Variants in C1orf94 observed in about 807,000 individuals in gnomAD.
C1orf94 encodes the protein uncharacterized protein C1orf94.
C1orf94 carries 45 observed loss-of-function variants against 53.6 expected under a neutral mutation model. The observed-to-expected ratio is 0.84, with a 90% CI of 0.66 to 1.08. The LOEUF is 1.08. Among genes scored for constraint, C1orf94 ranks in the 50% least tolerant of loss-of-function variants. The pLI, the probability that C1orf94 is intolerant of heterozygous loss-of-function variation, is 0.00. For missense variants in C1orf94, 762 were observed against 738.9 expected (o/e 1.03, Z -0.36); for synonymous variants, 304 against 296.1 (o/e 1.03, Z -0.27).
At chr1:34,212,797 C>A (rs1325857465) in intron 6 of C1orf94, among the ~76,000 whole-genome samples, 2 of 152,118 alleles carry the variant, frequency 1.3e-5, no homozygotes, top group African/African-American at 4.8e-5. Flanking sequence ...CTGTCCGCAC[C>A]CTGATCTCCT....
chr1:34,218,620 A>G lies in C1orf94; in HGVS notation c.1722-66A>G, dbSNP rs964432878. The G allele has an allele frequency of 5.4e-5, 70 of 1,285,256 alleles. 1 individual carries two copies. The Admixed American group carries it at 1.3e-3, about 24-fold the overall frequency. 79.6% of individuals were successfully genotyped at this position (1,285,256 alleles called of 1,614,324 possible). A position where few individuals can be genotyped will look rare whatever the true frequency, so the allele number is the denominator to read the frequency against. ...TGACAACCATAAAATTAATATATAT[A>G]TTTTTCTAATTCTCTCCGATAACAT... On this transcript the variant is annotated intron_variant, in intron 6 of 6. Coordinates refer to ENST00000488417, the MANE Select transcript of C1orf94 (RefSeq NM_001134734.2).
chr1:34,172,601 G>C (rs577745467), upstream of C1orf94, among the ~76,000 whole-genome samples: 2 of 152,168 alleles, frequency 1.3e-5, no homozygotes, highest in African/African-American at 2.4e-5. Context: ...GCTCTTAACT[G>C]CCTCCTCTCA....
At chr1:34,182,357 CG>C (rs941864444) in intron 1 of C1orf94, among the ~76,000 whole-genome samples, 3 of 152,060 alleles carry the variant, frequency 2.0e-5, no homozygotes, top group African/African-American at 7.2e-5. Context: ...AGGATCACTG[CG>C]GGGAGTTCAG....
intron 1 of C1orf94, among the ~76,000 whole-genome samples, chr1:34,169,644 T>C (rs1376754428): frequency 2.2e-5 from 2 of 92,760 alleles, no homozygotes; most frequent in Non-Finnish European, 4.8e-5. Flanking sequence ...AGTGAGCAAA[T>C]GGGAGATTCT....
chr1:34,199,805 C>G (rs542628451), intron 2 of C1orf94, among the ~76,000 whole-genome samples: 2,354 of 152,340 alleles, frequency 0.015, 26 homozygotes, highest in Non-Finnish European at 0.025. Flanking sequence ...TAGCCATATC[C>G]AGTGACTCAC....
Position 34,197,719 on chromosome 1 carries a change from A to C in C1orf94, c.815A>C (p.Asp272Ala), listed in dbSNP as rs773238507. 1.2e-6 allele frequency: 2 copies of C among 1,614,020 alleles called. No homozygotes were observed. Among genetic ancestry groups the C allele is most frequent in the Non-Finnish European group, 1.7e-6 (2 of 1,180,030 alleles). ...KTRVTKDFLQ[D>A]NLFSGPGPKE... The stretch of plus-strand genomic sequence containing the variant: ...AGGGTCACCAAGGACTTCCTACAGG[A>C]CAACCTGTTCAGTGGCCCTGGACCC... The change falls in exon 2 of 7, where the codon GAC (aspartate) becomes GCC (alanine). Residue 272 changes from aspartate to alanine, a missense_variant. Transcript: ENST00000488417. The surrounding 1 kb of genome is among the most constrained non-coding windows in gnomAD (Gnocchi z 4.1).
chr1:34,176,798 C>T (rs1219011626), upstream of C1orf94, among the ~76,000 whole-genome samples: 2 of 152,136 alleles, frequency 1.3e-5, no homozygotes, highest in Admixed American at 1.3e-4. Context: ...AGTGGGGCGG[C>T]GGCGCGTTTG....
intron 1 of C1orf94, among the ~76,000 whole-genome samples, chr1:34,180,808 TG>T (rs747986060): frequency 6.6e-6 from 1 of 152,242 alleles, no homozygotes; most frequent in Non-Finnish European, 1.5e-5. Flanking sequence ...TCTTGTATTG[TG>T]GTAGATAGGT....
At chr1:34,194,587 C>T (rs963322932) in intron 1 of C1orf94, among the ~76,000 whole-genome samples, 3 of 152,150 alleles carry the variant, frequency 2.0e-5, no homozygotes, top group Non-Finnish European at 2.9e-5. Flanking sequence ...CCCTATGTAA[C>T]CATTACCTGG....
chr1:34,206,887 G>A (rs1185035369), intron 4 of C1orf94, among the ~76,000 whole-genome samples: 2 of 152,200 alleles, frequency 1.3e-5, no homozygotes, highest in African/African-American at 2.4e-5. Flanking sequence ...CCTGAGCATG[G>A]GAATGTCAGG....
At chr1:34,175,281 T>C (rs1006017909), upstream of C1orf94, among the ~76,000 whole-genome samples, 1 of 149,964 alleles carries the variant, frequency 6.7e-6, no homozygotes, top group Non-Finnish European at 1.5e-5. Flanking sequence ...GAAGAGTGAG[T>C]GAGCTGGCTA....
At chr1:34,201,627 T>C (rs1293525085) in intron 3 of C1orf94, among the ~76,000 whole-genome samples, 1 of 152,232 alleles carries the variant, frequency 6.6e-6, no homozygotes, top group Non-Finnish European at 1.5e-5. Context: ...CAACAACCTG[T>C]GAAAGTTTCT....
intron 1 of C1orf94, among the ~76,000 whole-genome samples, chr1:34,179,050 G>A (rs1472589968): frequency 1.3e-5 from 2 of 152,234 alleles, no homozygotes; most frequent in African/African-American, 4.8e-5. Flanking sequence ...GTTCAGAGAT[G>A]CTCTGGAGTT....
chr1:34,176,185 G>A (rs1250594176), upstream of C1orf94, among the ~76,000 whole-genome samples: 1 of 152,062 alleles, frequency 6.6e-6, no homozygotes, highest in African/African-American at 2.4e-5. Context: ...AAGTTCTTAA[G>A]GTCACACAGC....
chr1:34,174,972 T>C (rs1354286968), upstream of C1orf94, among the ~76,000 whole-genome samples: 61 of 152,180 alleles, frequency 4.0e-4, no homozygotes, highest in Admixed American at 3.9e-3. Flanking sequence ...GCACATAATA[T>C]GTGGCTAATG....
At position 34,200,780 on chromosome 1, in the gene C1orf94, C is replaced by T; in HGVS notation, c.1018C>T (p.Pro340Ser). The change falls in exon 3 of 7, where the codon CCT (proline) becomes TCT (serine). Residue 340 changes from proline to serine, a missense_variant. Physicochemically the swap from Pro to Ser is moderately conservative, Grantham distance 74. Coordinates refer to ENST00000488417, the MANE Select transcript of C1orf94 (RefSeq NM_001134734.2). ...TTTCTTTCCTGCTACAGAATGGAGC[C>T]CTGGCACCAAGGAGCCAAAAAAGGG... The part of the protein sequence containing the change: ...VERHHLMEWS[P>S]GTKEPKKGQG... 1.2e-6 allele frequency: 2 copies of T among 1,614,034 alleles called. No homozygotes were observed. The highest frequency in any genetic ancestry group is 1.1e-5 in the South Asian group (1 of 91,062).
intron 1 of C1orf94, among the ~76,000 whole-genome samples, chr1:34,187,528 A>T (rs2148614013): frequency 6.6e-6 from 1 of 151,968 alleles, no homozygotes; most frequent in Non-Finnish European, 1.5e-5. Context: ...GGTTTGGTTT[A>T]ATCCCCTTTT....
At chr1:34,176,556 G>A (rs1358713672), upstream of C1orf94, among the ~76,000 whole-genome samples, 1 of 152,168 alleles carries the variant, frequency 6.6e-6, no homozygotes, top group Non-Finnish European at 1.5e-5. Flanking sequence ...CTGAGTCTCA[G>A]CTTCCCTTTT....
chr1:34,186,413 C>T (rs1642386279), intron 1 of C1orf94, among the ~76,000 whole-genome samples: 1 of 152,152 alleles, frequency 6.6e-6, no homozygotes, highest in African/African-American at 2.4e-5. Context: ...TTGTCATTAT[C>T]ATGGATAAAA....
Sources: gnomAD v4.1 joint callset for allele counts (sites outside exome capture counted in the v4.1 genomes callset) on GRCh38, gnomAD v4.1.1 for gene constraint, Gnocchi (gnomAD v3.1) non-coding constraint, MANE v1.5 for transcripts, NCBI Gene and HGNC (gene_info 2026-07-23, HGNC 2026-07-21) for gene names.